Variants in ZFHX4 observed in about 807,000 individuals in gnomAD.
ZFHX4 encodes zinc finger homeobox 4.
Under a neutral mutation model 267.6 loss-of-function variants are expected in ZFHX4, and 56 were observed. The ratio of observed to expected loss-of-function variants is 0.21; its 90% CI spans 0.17 to 0.26. The LOEUF (loss-of-function observed/expected upper bound fraction) is 0.26, where lower values mean the gene tolerates loss of function less well. ZFHX4 is among the 10% of genes least tolerant of loss of function. The probability of loss-of-function intolerance (pLI) is 1.00; values close to 1 mark genes in which losing one functional copy is unlikely to be tolerated. For missense variants in ZFHX4, 4,332 were observed against 4,420.0 expected, an observed-to-expected ratio of 0.98 and a Z score of 0.56; for synonymous variants, 1,778 against 1,665.6, an observed-to-expected ratio of 1.07 and a Z score of -1.64.
intron 1 of ZFHX4, among the ~76,000 whole-genome samples, chr8:76,691,742 C>T (rs1000884536): frequency 1.3e-5 from 2 of 152,016 alleles, no homozygotes; most frequent in Non-Finnish European, 2.9e-5. Context: ...ATCAGGGTTG[C>T]TGCAGAGATT....
intron 3 of ZFHX4, among the ~76,000 whole-genome samples, chr8:76,749,321 C>T (rs1809553736): frequency 6.6e-6 from 1 of 152,174 alleles, no homozygotes; most frequent in African/African-American, 2.4e-5. Context: ...TATGACTTAT[C>T]TTCCCTCATC....
rs1458673117 is a variant in ZFHX4 at position 76,851,847 on chromosome 8, C to G, written c.4926C>G (p.Val1642=). 6.2e-7 allele frequency: 1 copy of G among 1,613,794 alleles called. No homozygotes were observed. Among genetic ancestry groups the G allele is most frequent in the East Asian group, 2.2e-5 (1 of 44,860 alleles). ...GTGGGCACAGCATTGCAGCAAATGT[C>G]AACAGCCCTGGCCAGGGGATGTTAG... is the stretch of plus-strand genomic sequence containing the variant. ...VAGGHSIAAN[V]NSPGQGMLDS... is the part of the protein sequence containing the mutation. Residue 1642 remains valine (V), a synonymous_variant, in exon 10 of 11, where the codon GTC becomes GTG. Transcript: ENST00000651372.
intron 3 of ZFHX4, among the ~76,000 whole-genome samples, chr8:76,765,105 A>G (rs1033013142): frequency 6.6e-6 from 1 of 152,168 alleles, no homozygotes; most frequent in Admixed American, 6.6e-5. Flanking sequence ...ACCATTCCGG[A>G]TATAGTTGTT....
At chr8:76,710,866 G>C (rs1315036215) in intron 3 of ZFHX4, among the ~76,000 whole-genome samples, 1 of 152,138 alleles carries the variant, frequency 6.6e-6, no homozygotes, top group African/African-American at 2.4e-5. Context: ...TAGCTTAGAA[G>C]CATCATCTGC....
chr8:76,834,406 A>G (rs1197395915), intron 5 of ZFHX4: 1 of 220,002 alleles, frequency 4.5e-6, no homozygotes, highest in Non-Finnish European at 9.4e-6. Flanking sequence ...TGATGTTGTC[A>G]GTGTTCTGGA....
intron 4 of ZFHX4, among the ~76,000 whole-genome samples, chr8:76,809,172 T>G (rs144972239): frequency 1.1e-4 from 17 of 152,282 alleles, no homozygotes; most frequent in African/African-American, 3.1e-4. Context: ...ATTTGGAATA[T>G]AGTCTTTAGT....
chr8:76,713,175 C>T (rs1394742145), intron 3 of ZFHX4, among the ~76,000 whole-genome samples: 1 of 152,070 alleles, frequency 6.6e-6, no homozygotes, highest in African/African-American at 2.4e-5. Context: ...ACTGCATTCA[C>T]ATGTCAAGTA....
In ZFHX4 at chr8:76,856,278, G is replaced by A. The variant is rs1341728711; in HGVS notation, c.9357G>A (p.Pro3119=). ...GAATGAACGGTCCATCCTCCTTGCC[G>A]GGATTTCCACAAAATTCAAACAGTA... ...LPGMNGPSSL[P]GFPQNSNTLT... The change falls in exon 10 of 11, where the codon CCG becomes CCA. Residue 3119 remains proline (P), a synonymous_variant. Transcript: ENST00000651372. 3 of 1,613,824 alleles carry A rather than the reference G, an allele frequency of 1.9e-6. No individual in the cohort carries two copies. The highest frequency in any genetic ancestry group is 4.5e-5 in the East Asian group (2 of 44,844).
intron 10 of ZFHX4, among the ~76,000 whole-genome samples, chr8:76,859,759 G>A: frequency 6.6e-6 from 1 of 151,918 alleles, no homozygotes; most frequent in East Asian, 1.9e-4. Flanking sequence ...AATTGTCTTT[G>A]GCCCCATGTA....
chr8:76,795,377 G>A (rs2626353), intron 4 of ZFHX4, among the ~76,000 whole-genome samples: 31,212 of 151,926 alleles, frequency 0.21, 3,377 homozygotes, highest in South Asian at 0.28. Context: ...GGGCTCAAGT[G>A]ATCCTATTGC....
At chr8:76,778,599 G>A (rs988478044) in intron 4 of ZFHX4, among the ~76,000 whole-genome samples, 160 bp downstream of exon 4, 4 of 152,048 alleles carry the variant, frequency 2.6e-5, no homozygotes, top group African/African-American at 9.7e-5. Flanking sequence ...AAATGAACAT[G>A]TTGTTCCCAT....
chr8:76,823,574 C>G (rs1383561764), intron 4 of ZFHX4, among the ~76,000 whole-genome samples: 1 of 152,140 alleles, frequency 6.6e-6, no homozygotes, highest in African/African-American at 2.4e-5. Flanking sequence ...ATGTTTGTAT[C>G]AATCACTGCC....
At chr8:76,835,221 ATATATATATATATATATATG>A (rs1373791644) in intron 5 of ZFHX4, among the ~76,000 whole-genome samples, 4 of 79,638 alleles carry the variant, frequency 5.0e-5, no homozygotes, top group African/African-American at 1.6e-4. Flanking sequence ...ATATATATGT[ATATATATATATATATATATG>A]TATATATATA....
intron 1 of ZFHX4, among the ~76,000 whole-genome samples, chr8:76,689,416 C>A (rs774141941): frequency 2.0e-5 from 3 of 152,032 alleles, no homozygotes; most frequent in Non-Finnish European, 4.4e-5. Flanking sequence ...AGAAATCAGA[C>A]AGAAAGCAGA....
At chr8:76,757,926 C>T (rs1809806694) in intron 3 of ZFHX4, among the ~76,000 whole-genome samples, 1 of 152,124 alleles carries the variant, frequency 6.6e-6, no homozygotes. Flanking sequence ...CCCTAGTGGT[C>T]CTCAGAGGTC....
Position 76,866,262 on chromosome 8 carries a change from C to T in ZFHX4, c.*1697C>T, listed in dbSNP as rs138370199. 148 of 152,674 alleles carry T rather than the reference C, an allele frequency of 9.7e-4. 2 individuals carry two copies. The highest frequency in any genetic ancestry group is 2.9e-3 in the East Asian group (15 of 5,176). The allele number at this position is 152,674 out of a possible 1,614,324, so 9.5% of individuals were successfully genotyped here. The stretch of plus-strand genomic sequence containing the variant: ...AAAATGTATTGCTTTTGATATTTCT[C>T]TTCCGAGATGAACAAGTAGCATGTA... On this transcript the variant is annotated 3_prime_UTR_variant, in exon 11 of 11. Transcript: ENST00000651372.
In ZFHX4 at chr8:76,852,199, G is replaced by C; in HGVS notation, c.5278G>C (p.Ala1760Pro). The stretch of plus-strand genomic sequence containing the variant: ...GCCAGATTTGGGCTTGCCAGGCTCT[G>C]CCACATTTGGGATGCCTGGCATGAC... ...LGPDLGLPGS[A>P]TFGMPGMTGM... The change falls in exon 10 of 11, where the codon GCC (alanine) becomes CCC (proline). Residue 1760 changes from alanine (A) to proline (P), a missense_variant. Physicochemically the swap from Ala to Pro is conservative, Grantham distance 27 (BLOSUM62 -1). Around this residue, in one of 7 missense-constraint regions of ZFHX4, gnomAD observed 1,371 missense variants for 1,423.1 expected, o/e 0.96. Coordinates refer to ENST00000651372, the MANE Select transcript of ZFHX4 (RefSeq NM_024721.5). 1 of 1,613,748 alleles carries C rather than the reference G, an allele frequency of 6.2e-7. No individual in the cohort carries two copies. The highest frequency in any genetic ancestry group is 8.5e-7 in the Non-Finnish European group (1 of 1,179,792).
chr8:76,755,818 T>A (rs1280077041), intron 3 of ZFHX4, among the ~76,000 whole-genome samples: 6 of 152,128 alleles, frequency 3.9e-5, no homozygotes, highest in Non-Finnish European at 8.8e-5. Context: ...ATAGTCTAGA[T>A]CTTACAGTGT....
At chr8:76,803,233 A>ATATTGTGTG (rs1811158680) in intron 4 of ZFHX4, among the ~76,000 whole-genome samples, 1 of 151,524 alleles carries the variant, frequency 6.6e-6, no homozygotes. Context: ...ATATAAATCA[A>ATATTGTGTG]TATTGTGTGT....
Sources: allele counts gnomAD v4.1 joint callset (sites outside exome capture counted in the v4.1 genomes callset), GRCh38; gene constraint gnomAD v4.1.1; regional missense constraint gnomAD v4.1.1; transcripts MANE v1.5; gene names NCBI Gene and HGNC (gene_info 2026-07-23, HGNC 2026-07-21).